Variants in DPYSL2 observed in about 807,000 individuals in gnomAD.
The protein encoded by DPYSL2 is dihydropyrimidinase like 2, also known as dihydropyrimidinase-related protein 2.
Under a neutral mutation model 69.9 loss-of-function variants are expected in DPYSL2, and 13 were observed. That is an observed-to-expected ratio of 0.19 (90% CI 0.12 to 0.30). The LOEUF is 0.30. Among genes scored for constraint, DPYSL2 ranks in the 10% least tolerant of loss-of-function variants. DPYSL2 has a pLI of 1.00. For missense variants in DPYSL2, 587 were observed against 918.9 expected, an observed-to-expected ratio of 0.64 and a Z score of 4.67; for synonymous variants, 326 against 359.1, an observed-to-expected ratio of 0.91 and a Z score of 1.04.
At chr8:26,569,387 C>CAAAAAAAAAAAAA (rs1563390314) in intron 1 of DPYSL2, among the ~76,000 whole-genome samples, 4 of 110,404 alleles carry the variant, frequency 3.6e-5, no homozygotes, top group Non-Finnish European at 4.0e-5. Flanking sequence ...CAAAAAAAAA[C>CAAAAAAAAAAAAA]CAAAGAAAAA....
rs375344698 is a variant in DPYSL2 at position 26,520,681 on chromosome 8, A to C, written c.354+6002A>C. ...TTAGAAATTAGAGCAGTGAGATGAC[A>C]GTGTAATTTTTCTACTTGATGTAAA... is the stretch of plus-strand genomic sequence containing the variant. On this transcript the variant is annotated intron_variant, in intron 1 of 13. Coordinates refer to ENST00000521913, the MANE Select transcript of DPYSL2 (RefSeq NM_001197293.3). Among the ~76,000 whole-genome samples the C allele has an allele frequency of 2.6e-5, 4 of 152,336 alleles. No homozygotes were observed. In the East Asian group the frequency reaches 7.7e-4, roughly 29 times the overall value.
rs55746168 is a variant in DPYSL2, at chr8:26,634,428, C to CTT, written c.1006-332_1006-331dup. On this transcript the variant is annotated intron_variant, in intron 7 of 13. Transcript: ENST00000521913. ...TACAGTCACCTGCTGCCATGCCCAG[C>CTT]TTTTTTTTTTTTTTTTTTTTTAATT... Among the ~76,000 whole-genome samples the CTT allele has an allele frequency of 8.3e-4, 76 of 91,158 alleles. 1 individual carries two copies. The highest frequency in any genetic ancestry group is 1.1e-3 in the Non-Finnish European group (50 of 47,344). The allele number at this position is 91,158 out of a possible 152,430, so 59.8% of individuals were successfully genotyped here.
At chr8:26,577,878 T>C in intron 1 of DPYSL2, 1 of 1,113,452 alleles carries the variant, frequency 9.0e-7, no homozygotes, top group Non-Finnish European at 1.1e-6. Flanking sequence ...GGATGGCTTT[T>C]GCCTGAGAGG....
chr8:26,637,675 A>G (rs987491353), intron 8 of DPYSL2: 14 of 152,338 alleles, frequency 9.2e-5, no homozygotes, highest in African/African-American at 3.1e-4. Flanking sequence ...TCTGTAAGGG[A>G]GTATTAATTG....
chr8:26,646,414 C>T (rs1211502368), intron 10 of DPYSL2, among the ~76,000 whole-genome samples: 2 of 152,130 alleles, frequency 1.3e-5, no homozygotes, highest in African/African-American at 2.4e-5. Flanking sequence ...TGTCTTCTAC[C>T]ACCTGGGTGT....
At position 26,627,140 on chromosome 8, in the gene DPYSL2, G is replaced by A. The variant is rs1802637286; in HGVS notation, c.856-75G>A. ...GTTTCTCATCCCAGAAATGCCTCTG[G>A]TGGGGAGATGATTGTCTTTGTGAAC... On this transcript the variant is annotated intron_variant, in intron 5 of 13. Transcript: ENST00000521913. This position sits in a 1 kb window ranked among gnomAD's most constrained non-coding sequence, Gnocchi z 6.9. 6 of 1,394,762 alleles carry A rather than the reference G, an allele frequency of 4.3e-6. No homozygotes were observed. In the South Asian group the frequency reaches 4.7e-5, roughly 11 times the overall value. 86.4% of individuals were successfully genotyped at this position (1,394,762 alleles called of 1,614,324 possible). A position where few individuals can be genotyped will look rare whatever the true frequency, so the allele number is the denominator to read the frequency against.
rs1213095656 is a variant in DPYSL2 at position 26,614,948 on chromosome 8, T to C, written c.629-9195T>C. ...TCAATTAACTAGCCCTCTTGCTCTC[T>C]TTTGATCACACGTTCTGGGGTCAGA... On this transcript the variant is annotated intron_variant, in intron 3 of 13. Coordinates refer to ENST00000521913, the MANE Select transcript of DPYSL2 (RefSeq NM_001197293.3). The surrounding 1 kb of genome is among the most constrained non-coding windows in gnomAD (Gnocchi z 4.9). 6.6e-6 allele frequency among the ~76,000 whole-genome samples: 1 copy of C among 152,252 alleles called. No homozygotes were observed. Among genetic ancestry groups the C allele is most frequent in the African/African-American group, 2.4e-5 (1 of 41,480 alleles).
chr8:26,514,206 C>A lies in DPYSL2; in HGVS notation c.-120C>A. On this transcript the variant is annotated 5_prime_UTR_variant, in exon 1 of 14. Transcript: ENST00000521913. The surrounding 1 kb of genome is among the most constrained non-coding windows in gnomAD (Gnocchi z 8.4). Reference sequence around the variant, plus strand: ...CCCTCCTTCCTTTCTGTGCACCTTGCGGTGGGCGGCGAACGGCAGCCGCGG... The same window carrying A: ...CCCTCCTTCCTTTCTGTGCACCTTGAGGTGGGCGGCGAACGGCAGCCGCGG... The A allele has an allele frequency of 2.3e-6, 2 of 885,364 alleles. No individual in the cohort carries two copies. Among genetic ancestry groups the A allele is most frequent in the Non-Finnish European group, 3.2e-6 (2 of 633,160 alleles). The allele number at this position is 885,364 out of a possible 1,614,324, so 54.8% of individuals were successfully genotyped here.
Position 26,643,272 on chromosome 8 carries a change from G to A in DPYSL2, c.1127-167G>A, listed in dbSNP as rs1384806852. 1 of 673,350 alleles carries A rather than the reference G, an allele frequency of 1.5e-6. No individual in the cohort carries two copies. Among genetic ancestry groups the A allele is most frequent in the South Asian group, 2.6e-5 (1 of 38,642 alleles). 41.7% of individuals were successfully genotyped at this position (673,350 alleles called of 1,614,324 possible). Reference sequence around the variant, plus strand: ...CTCATGACAGGCTGGCAGAGGTACTGAATTTCTCCAAGTCTCAGTTTCCTC... The same window carrying A: ...CTCATGACAGGCTGGCAGAGGTACTAAATTTCTCCAAGTCTCAGTTTCCTC... On this transcript the variant is annotated intron_variant, in intron 8 of 13. Coordinates refer to ENST00000521913, the MANE Select transcript of DPYSL2 (RefSeq NM_001197293.3). This position sits in a 1 kb window ranked among gnomAD's most constrained non-coding sequence, Gnocchi z 6.5.
In DPYSL2 at chr8:26,577,110, C is replaced by G. The variant is rs565670868; in HGVS notation, c.355-4859C>G. On this transcript the variant is annotated intron_variant, in intron 1 of 13. Transcript: ENST00000521913. ...GTTTCCCATACCCCGCAGCCTTCCCCGGATGCCTCCTTCCCGGCTCGGAGT... is the reference window on the plus strand; with the variant it reads ...GTTTCCCATACCCCGCAGCCTTCCCGGGATGCCTCCTTCCCGGCTCGGAGT... The G allele has an allele frequency of 4.6e-3, 2,015 of 441,646 alleles. 8 individuals carry two copies. The highest frequency in any genetic ancestry group is 6.7e-3 in the Non-Finnish European group (1,476 of 219,966). 27.4% of individuals were successfully genotyped at this position (441,646 alleles called of 1,614,324 possible). A position where few individuals can be genotyped will look rare whatever the true frequency, so the allele number is the denominator to read the frequency against.
chr8:26,622,476 A>G (rs5022822), intron 3 of DPYSL2, among the ~76,000 whole-genome samples: 80,724 of 126,504 alleles, frequency 0.64, 24,006 homozygotes, highest in Admixed American at 0.65. Flanking sequence ...GTGTGTGTAT[A>G]TGTGTGTGTG....
In DPYSL2 at chr8:26,624,539, T is replaced by C. The variant is rs1258106790; in HGVS notation, c.793+232T>C. On this transcript the variant is annotated intron_variant, in intron 4 of 13. Transcript: ENST00000521913. The surrounding 1 kb of genome is among the most constrained non-coding windows in gnomAD (Gnocchi z 4.7). ...GATGATAAGAGAAGATGAGGCTTAC[T>C]GCTGGGACCTGTTCTTAGGTGACAG... Among the ~76,000 whole-genome samples the C allele has an allele frequency of 6.6e-6, 1 of 152,208 alleles. No homozygotes were observed. The highest frequency in any genetic ancestry group is 1.5e-5 in the Non-Finnish European group (1 of 68,038).
chr8:26,590,285 G>T (rs1284895953), intron 3 of DPYSL2, among the ~76,000 whole-genome samples: 1 of 152,212 alleles, frequency 6.6e-6, no homozygotes, highest in East Asian at 1.9e-4. Flanking sequence ...TGGGCCATTG[G>T]TGTGGGCTGG....
At chr8:26,527,804 CTTTTTTTT>C (rs34631984) in intron 1 of DPYSL2, among the ~76,000 whole-genome samples, 1 of 132,720 alleles carries the variant, frequency 7.5e-6, no homozygotes, top group Non-Finnish European at 1.6e-5. Context: ...TTTGTTTATC[CTTTTTTTT>C]TTTTTTTTTA....
chr8:26,616,667 C>T (rs1230766200), intron 3 of DPYSL2, among the ~76,000 whole-genome samples: 1 of 152,232 alleles, frequency 6.6e-6, no homozygotes, highest in Non-Finnish European at 1.5e-5. Context: ...GCATCTGCCC[C>T]TCCTTGCTTC....
intron 11 of DPYSL2, among the ~76,000 whole-genome samples, chr8:26,651,990 C>T (rs1351303326): frequency 2.0e-5 from 3 of 152,210 alleles, no homozygotes; most frequent in African/African-American, 7.2e-5. Context: ...ATTTGTGTAG[C>T]ATTTACAAAC....
chr8:26,588,281 G>C lies in DPYSL2; in HGVS notation c.628+4298G>C, dbSNP rs540960466. Among the ~76,000 whole-genome samples the C allele has an allele frequency of 3.9e-5, 6 of 152,130 alleles. No homozygotes were observed. The highest frequency in any genetic ancestry group is 8.8e-5 in the Non-Finnish European group (6 of 68,032). ...CAGGCGCTGTCTAGGCGTGGCTGGC[G>C]GACTGTGTGCTTTGTGTGTTGCTTC... is the stretch of plus-strand genomic sequence containing the variant. On this transcript the variant is annotated intron_variant, in intron 3 of 13. Coordinates refer to ENST00000521913, the MANE Select transcript of DPYSL2 (RefSeq NM_001197293.3). This position sits in a 1 kb window ranked among gnomAD's most constrained non-coding sequence, Gnocchi z 5.4.
Position 26,575,075 on chromosome 8 carries a change from C to T in DPYSL2, c.355-6894C>T, listed in dbSNP as rs558482001. ...CAGCCTCCCGAATGGCTGGGATTAC[C>T]GGCCCCAGCCACCATGCCCGTCTGA... On this transcript the variant is annotated intron_variant, in intron 1 of 13. Coordinates refer to ENST00000521913, the MANE Select transcript of DPYSL2 (RefSeq NM_001197293.3). Among the ~76,000 whole-genome samples, 23 of 152,298 alleles carry T rather than the reference C, an allele frequency of 1.5e-4. No individual in the cohort carries two copies. In the East Asian group the frequency reaches 4.2e-3, roughly 28 times the overall value.
At chr8:26,655,580 C>A (rs776367820) in intron 13 of DPYSL2, 35 bp from the exon 14 acceptor site, 1 of 1,560,684 alleles carries the variant, frequency 6.4e-7, no homozygotes, top group Non-Finnish European at 8.8e-7. Flanking sequence ...CTGTCCTGGC[C>A]CCTCACCCGC....
Sources: gnomAD v4.1 joint callset for allele counts (sites outside exome capture counted in the v4.1 genomes callset) on GRCh38, gnomAD v4.1.1 for gene constraint, Gnocchi (gnomAD v3.1) non-coding constraint, MANE v1.5 for transcripts, NCBI Gene and HGNC (gene_info 2026-07-23, HGNC 2026-07-21) for gene names.